RAG1: variants seen among roughly 807,000 people sequenced by gnomAD.
The protein encoded by RAG1 is recombination activating 1.
A neutral mutation model predicts 62.7 loss-of-function variants in RAG1; 35 were observed. That is an observed-to-expected ratio of 0.56 (90% confidence interval 0.43 to 0.74). The LOEUF is 0.74. Ranked by LOEUF, RAG1 falls within the 30% of genes least tolerant of loss-of-function variation. The pLI is 0.00. For synonymous variants in RAG1, 461 were observed against 470.3 expected, an observed-to-expected ratio of 0.98 and a Z score of 0.26; for missense variants, 1,169 against 1,278.6, an observed-to-expected ratio of 0.91 and a Z score of 1.31.
At chr11:36,540,164 C>T (rs748877498), downstream of RAG1, among the ~76,000 whole-genome samples, 4 of 152,136 alleles carry the variant, frequency 2.6e-5, no homozygotes, top group Non-Finnish European at 4.4e-5. Context: ...GGGGGAGAAG[C>T]AGTCAGAACA....
At chr11:36,568,812 T>G (rs933807999) in intron 1 of RAG1, among the ~76,000 whole-genome samples, 2 of 152,212 alleles carry the variant, frequency 1.3e-5, no homozygotes, top group Non-Finnish European at 1.5e-5. Context: ...TTTCTCTTTC[T>G]GAAGTGGTTC....
chr11:36,522,369 C>T (rs534287155), intron 2 of RAG1, among the ~76,000 whole-genome samples: 32 of 152,280 alleles, frequency 2.1e-4, no homozygotes, highest in Middle Eastern at 3.4e-3. Flanking sequence ...CTTCAGAGGG[C>T]GCAAGCCCCA....
In RAG1 at chr11:36,519,873, G is replaced by A. The variant is rs530802629; in HGVS notation, n.331-259G>A. Among the ~76,000 whole-genome samples, 6 of 152,214 alleles carry A rather than the reference G, an allele frequency of 3.9e-5. No homozygotes were observed. In the South Asian group the frequency reaches 6.2e-4, roughly 16 times the overall value. ...TCAAATTCACAGACAAGAGAAAATAGTCATGTTACAGAAGATTATAAAATA... is the reference window on the plus strand; with the variant it reads ...TCAAATTCACAGACAAGAGAAAATAATCATGTTACAGAAGATTATAAAATA... On this transcript the variant is annotated intron_variant and non_coding_transcript_variant, in intron 1 of 2. Transcript: ENST00000529126.
intron 3 of RAG1, among the ~76,000 whole-genome samples, chr11:36,542,804 C>T (rs1451358212): frequency 6.6e-6 from 1 of 152,060 alleles, no homozygotes; most frequent in Non-Finnish European, 1.5e-5. Flanking sequence ...GAATTTTTTC[C>T]TTTTAATCAA....
At chr11:36,514,855 T>G (rs2133689716) in intron 1 of RAG1, among the ~76,000 whole-genome samples, 1 of 152,350 alleles carries the variant, frequency 6.6e-6, no homozygotes, top group Admixed American at 6.5e-5. Flanking sequence ...AGGAGAGATT[T>G]AAACTAAATA....
In RAG1 at chr11:36,573,364, C is replaced by G; in HGVS notation, c.60C>G (p.His20Gln). ...GLSSAPDEIQHPHIKFSEWKF... is the reference protein window; with the variant it reads ...GLSSAPDEIQQPHIKFSEWKF... ...GTTCTGCCCCAGATGAAATTCAGCA[C>G]CCACATATTAAATTTTCAGAATGGA... Residue 20 changes from histidine (H) to glutamine (Q), a missense_variant, in exon 2 of 2, where the codon CAC (histidine) becomes CAG (glutamine). His to Gln is a conservative substitution (Grantham distance 24, BLOSUM62 0). Coordinates refer to ENST00000299440, the MANE Select transcript of RAG1 (RefSeq NM_000448.3). The G allele has an allele frequency of 6.2e-7, 1 of 1,614,152 alleles. No individual in the cohort carries two copies. The highest frequency in any genetic ancestry group is 8.5e-7 in the Non-Finnish European group (1 of 1,180,028).
chr11:36,540,404 T>A (rs1860397181), downstream of RAG1, among the ~76,000 whole-genome samples: 1 of 152,100 alleles, frequency 6.6e-6, no homozygotes, highest in Non-Finnish European at 1.5e-5. Context: ...TTCTTTATTT[T>A]ATTTATTTAT....
At chr11:36,562,062 A>G (rs1247507091) in intron 3 of RAG1, among the ~76,000 whole-genome samples, 1 of 152,190 alleles carries the variant, frequency 6.6e-6, no homozygotes, top group Non-Finnish European at 1.5e-5. Context: ...GGCCCTTGAG[A>G]GGCCTTTGGC....
intron 1 of RAG1, among the ~76,000 whole-genome samples, chr11:36,519,257 G>T (rs548530615): frequency 2.6e-5 from 4 of 152,146 alleles, no homozygotes; most frequent in African/African-American, 2.4e-5. Flanking sequence ...CCAGACAGGT[G>T]TGTTTTCTAA....
chr11:36,571,249 A>G (rs1292621427), intron 1 of RAG1, among the ~76,000 whole-genome samples: 1 of 152,166 alleles, frequency 6.6e-6, no homozygotes, highest in African/African-American at 2.4e-5. Context: ...ATGGTCATGC[A>G]TTTTAAAAAG....
chr11:36,526,470 C>A (rs745996237), intron 2 of RAG1, among the ~76,000 whole-genome samples: 1 of 152,078 alleles, frequency 6.6e-6, no homozygotes, highest in African/African-American at 2.4e-5. Context: ...TTTTCTTTAT[C>A]CAGTCTATCA....
chr11:36,573,941 A>G lies in RAG1; in HGVS notation c.637A>G (p.Ile213Val), dbSNP rs1564988413. The change falls in exon 2 of 2, where the codon ATC (isoleucine) becomes GTC (valine). Residue 213 changes from isoleucine to valine, a missense_variant. This residue lies in a region of RAG1 where 369 missense variants were observed against 335.3 expected (regional missense o/e 1.10). Transcript: ENST00000299440. ...EWHPHTPSCD[I>V]CNTARRGLKR... Reference sequence around the variant, plus strand: ...GCACCCCCACACACCATCCTGTGACATCTGCAACACTGCCCGTCGGGGACT... The same window carrying G: ...GCACCCCCACACACCATCCTGTGACGTCTGCAACACTGCCCGTCGGGGACT... 1.2e-6 allele frequency: 2 copies of G among 1,614,166 alleles called. No individual in the cohort carries two copies. Among genetic ancestry groups the G allele is most frequent in the Non-Finnish European group, 1.7e-6 (2 of 1,180,044 alleles).
chr11:36,570,308 C>A (rs1590699084), intron 1 of RAG1, among the ~76,000 whole-genome samples: 1 of 152,102 alleles, frequency 6.6e-6, no homozygotes, highest in East Asian at 1.9e-4. Flanking sequence ...TTTCTCCATG[C>A]CTTCATTAAT....
At chr11:36,529,237 T>C (rs1277844247) in intron 2 of RAG1, among the ~76,000 whole-genome samples, 2 of 151,906 alleles carry the variant, frequency 1.3e-5, no homozygotes, top group African/African-American at 4.8e-5. Flanking sequence ...GATGTGAAAA[T>C]CCTCAATAAA....
chr11:36,513,583 G>A (rs2133688620), intron 1 of RAG1, among the ~76,000 whole-genome samples: 1 of 152,332 alleles, frequency 6.6e-6, no homozygotes, highest in East Asian at 1.9e-4. Flanking sequence ...GCTGCCTCAT[G>A]TAACAGTATA....
chr11:36,539,264 C>G (rs552478719), downstream of RAG1, among the ~76,000 whole-genome samples: 7 of 152,298 alleles, frequency 4.6e-5, 1 homozygote, highest in African/African-American at 1.4e-4. Flanking sequence ...AGGCAGTCAT[C>G]TGCAACCCAA....
rs199510458 is a variant in RAG1 at position 36,524,489 on chromosome 11, A to AT, written n.428+4276dup. 8.1e-3 allele frequency among the ~76,000 whole-genome samples: 1,106 copies of AT among 136,966 alleles called. 4 individuals carry two copies. Among genetic ancestry groups the AT allele is most frequent in the South Asian group, 0.013 (55 of 4,226 alleles). 89.9% of individuals were successfully genotyped at this position (136,966 alleles called of 152,430 possible). ...GTTATATCTCAATGTGGTGTGTGCTATTTTTTTTTTTTTTTTCAGACAAGG... is the reference window on the plus strand; with the variant it reads ...GTTATATCTCAATGTGGTGTGTGCTATTTTTTTTTTTTTTTTTCAGACAAGG... On this transcript the variant is annotated intron_variant and non_coding_transcript_variant, in intron 2 of 2. Coordinates refer to the RAG1 transcript ENST00000529126.
chr11:36,572,359 A>G (rs903324011), intron 1 of RAG1, among the ~76,000 whole-genome samples: 4 of 152,122 alleles, frequency 2.6e-5, no homozygotes, highest in African/African-American at 9.7e-5. Flanking sequence ...GTGCATTACA[A>G]CTCAAATCAG....
At chr11:36,525,654 C>T (rs1299650424) in intron 2 of RAG1, among the ~76,000 whole-genome samples, 1 of 151,994 alleles carries the variant, frequency 6.6e-6, no homozygotes, top group Non-Finnish European at 1.5e-5. Flanking sequence ...TTTTTTTGAG[C>T]AATTTAAATG....
Sources: gnomAD v4.1 joint callset for allele counts (sites outside exome capture counted in the v4.1 genomes callset) on GRCh38, gnomAD v4.1.1 for gene constraint, gnomAD v4.1.1 regional missense constraint, MANE v1.5 for transcripts, NCBI Gene and HGNC (gene_info 2026-07-23, HGNC 2026-07-21) for gene names.